Variants in TIAM1 observed in about 807,000 individuals in gnomAD.
TIAM1 encodes the protein rho guanine nucleotide exchange factor TIAM1.
In TIAM1, 65 loss-of-function variants were observed where a neutral mutation model predicts 163.5. That is an observed-to-expected ratio of 0.40 (90% CI 0.33 to 0.49). TIAM1 has a LOEUF of 0.49. TIAM1 is among the 20% of genes least tolerant of loss of function. The probability of loss-of-function intolerance (pLI) is 0.77; values close to 1 mark genes in which losing one functional copy is unlikely to be tolerated. For missense variants in TIAM1, 1,789 were observed against 2,044.7 expected (o/e 0.87, Z 2.41); for synonymous variants, 833 against 810.1 (o/e 1.03, Z -0.48).
intron 2 of TIAM1, among the ~76,000 whole-genome samples, chr21:31,367,870 G>A (rs772231884): frequency 6.6e-6 from 1 of 152,088 alleles, no homozygotes; most frequent in Non-Finnish European, 1.5e-5. Context: ...TTGGAATCAC[G>A]TAATCAATAT....
chr21:31,469,078 C>A (rs1197186299), intron 1 of TIAM1, among the ~76,000 whole-genome samples: 1 of 130,566 alleles, frequency 7.7e-6, no homozygotes, highest in Non-Finnish European at 1.5e-5. Flanking sequence ...GGAACCAATC[C>A]CTTTTTTTTT....
At chr21:31,178,237 A>G (rs1427551665) in intron 15 of TIAM1, among the ~76,000 whole-genome samples, 2 of 151,348 alleles carry the variant, frequency 1.3e-5, no homozygotes, top group Non-Finnish European at 3.0e-5. Flanking sequence ...CAGGTGGGGA[A>G]GTGAAATGCC....
At chr21:31,145,904 A>C (rs1227380376) in intron 20 of TIAM1, among the ~76,000 whole-genome samples, 1 of 152,202 alleles carries the variant, frequency 6.6e-6, no homozygotes, top group African/African-American at 2.4e-5. Flanking sequence ...TGTTGAACAA[A>C]ATGACATTAG....
chr21:31,415,942 T>TA (rs1205333387), intron 2 of TIAM1, among the ~76,000 whole-genome samples: 1 of 152,180 alleles, frequency 6.6e-6, no homozygotes, highest in African/African-American at 2.4e-5. Context: ...TCCTGCCTTC[T>TA]AGGCCTCCTC....
At chr21:31,500,758 A>C (rs2147445977) in intron 1 of TIAM1, among the ~76,000 whole-genome samples, 1 of 152,312 alleles carries the variant, frequency 6.6e-6, no homozygotes, top group South Asian at 2.1e-4. Context: ...GAAACTAGGA[A>C]GAGGCATGGA....
intron 4 of TIAM1, among the ~76,000 whole-genome samples, chr21:31,255,248 T>A (rs1021721262): frequency 2.6e-5 from 4 of 152,160 alleles, no homozygotes; most frequent in African/African-American, 9.7e-5. Context: ...CTCCACCTTG[T>A]CTCCTTAAGT....
At chr21:31,274,811 A>G (rs1227534364) in intron 3 of TIAM1, among the ~76,000 whole-genome samples, 1 of 152,186 alleles carries the variant, frequency 6.6e-6, no homozygotes, top group Non-Finnish European at 1.5e-5. Flanking sequence ...AATTTTCTCC[A>G]AGAATATTAA....
rs779238891 is a variant in TIAM1, at chr21:31,350,940, C to A, written c.-368-11518G>T. On this transcript the variant is annotated intron_variant, in intron 2 of 28. Coordinates refer to the TIAM1 transcript ENST00000286827. ...CAGAGTTTTGTACTAACCACAGGCA[C>A]AAAATCAATTAAAATTAGGTGACTT... Among the ~76,000 whole-genome samples the A allele has an allele frequency of 2.6e-5, 4 of 152,256 alleles. No individual in the cohort carries two copies. In the East Asian group the frequency reaches 7.7e-4, roughly 29 times the overall value.
chr21:31,505,641 G>T (rs1309823584), intron 1 of TIAM1, among the ~76,000 whole-genome samples: 4 of 152,134 alleles, frequency 2.6e-5, no homozygotes, highest in Non-Finnish European at 5.9e-5. Context: ...CGTCTTAGAT[G>T]TTTAAAGCCT....
chr21:31,252,809 C>T (rs2071888149), intron 4 of TIAM1, among the ~76,000 whole-genome samples: 1 of 152,200 alleles, frequency 6.6e-6, no homozygotes, highest in South Asian at 2.1e-4. Context: ...ATCAGATTCG[C>T]TTCTTGAAAA....
intron 2 of TIAM1, among the ~76,000 whole-genome samples, chr21:31,358,855 G>A (rs2300355): frequency 0.087 from 13,223 of 151,990 alleles, 1,032 homozygotes; most frequent in East Asian, 0.44. Flanking sequence ...GCATTCCTCC[G>A]CTCAAGGGGT....
In TIAM1 at chr21:31,141,229, G is replaced by T; in HGVS notation, c.3663C>A (p.Ile1221=). The T allele has an allele frequency of 6.2e-7, 1 of 1,614,106 alleles. No individual in the cohort carries two copies. Residue 1221 remains isoleucine, a synonymous_variant, in exon 22 of 28, where the codon ATC becomes ATA. Transcript: ENST00000541036. The surrounding 1 kb of genome is among the most constrained non-coding windows in gnomAD (Gnocchi z 4.7). ...GACTGGCAACCTTGTTCATGGTCTT[G>T]ATGGCCACTGGAAGAAAACAGGTTG... ...SEEHYHLDVA[I]KTMNKVASHI...
intron 15 of TIAM1, 41 bp from the exon 16 acceptor site, chr21:31,165,106 C>T: frequency 6.3e-7 from 1 of 1,599,440 alleles, no homozygotes; most frequent in Non-Finnish European, 8.5e-7. Flanking sequence ...TCAACATGGA[C>T]AGTAATTGCT....
intron 19 of TIAM1, among the ~76,000 whole-genome samples, chr21:31,152,006 G>T (rs2083394182): frequency 6.8e-6 from 1 of 146,352 alleles, no homozygotes; most frequent in Non-Finnish European, 1.5e-5. Flanking sequence ...TTGTTTACTG[G>T]GTAACCAGAA....
intron 2 of TIAM1, among the ~76,000 whole-genome samples, chr21:31,444,610 C>T (rs543123969): frequency 7.6e-4 from 115 of 152,160 alleles, no homozygotes; most frequent in African/African-American, 2.7e-3. Context: ...GACTAATTAT[C>T]AGGACCTCAG....
rs1555955038 is a variant in TIAM1 at position 31,359,854 on chromosome 21, A to AAGGAAGGG, written c.-368-20433_-368-20432insCCCTTCCT. The stretch of plus-strand genomic sequence containing the variant: ...GAAGGAAGGAAGGAAGGAAGGAAGG[A>AAGGAAGGG]AGGAAGGAAGGGAGGGAGGGAGGAA... On this transcript the variant is annotated intron_variant, in intron 2 of 28. Coordinates refer to the TIAM1 transcript ENST00000286827. 5.5e-4 allele frequency among the ~76,000 whole-genome samples: 51 copies of AAGGAAGGG among 92,530 alleles called. 2 individuals are homozygous for AAGGAAGGG. The East Asian group carries it at 7.3e-3, about 13-fold the overall frequency. 60.7% of individuals were successfully genotyped at this position (92,530 alleles called of 152,430 possible).
At chr21:31,159,878 G>A (rs1331324760) in intron 16 of TIAM1, among the ~76,000 whole-genome samples, 1 of 152,190 alleles carries the variant, frequency 6.6e-6, no homozygotes, top group Non-Finnish European at 1.5e-5. Context: ...GAATAGACCT[G>A]TTCAAATAGG....
intron 19 of TIAM1, among the ~76,000 whole-genome samples, chr21:31,151,121 G>C (rs1217831815): frequency 6.6e-6 from 1 of 152,198 alleles, no homozygotes; most frequent in African/African-American, 2.4e-5. Context: ...CTGCTGGAGG[G>C]AGCTGCAATG....
intron 13 of TIAM1, 73 bp downstream of exon 13, chr21:31,195,151 G>T: frequency 2.3e-6 from 3 of 1,279,104 alleles, no homozygotes; most frequent in South Asian, 2.5e-5. Flanking sequence ...GCATTTTGTT[G>T]AACTGTAAAT....
Sources: allele counts gnomAD v4.1 joint callset (sites outside exome capture counted in the v4.1 genomes callset), GRCh38; gene constraint gnomAD v4.1.1; non-coding constraint Gnocchi (gnomAD v3.1); transcripts MANE v1.5; gene names NCBI Gene and HGNC (gene_info 2026-07-23, HGNC 2026-07-21).